FBXW7: variants seen among roughly 807,000 people sequenced by gnomAD.
FBXW7 encodes F-box and WD repeat domain containing 7, also known as F-box/WD repeat-containing protein 7.
Under a neutral mutation model 86.3 loss-of-function variants are expected in FBXW7, and 11 were observed. The observed-to-expected ratio is 0.13, with a 90% CI of 0.08 to 0.21. FBXW7 has a LOEUF of 0.21. Among genes scored for constraint, FBXW7 ranks in the 10% least tolerant of loss-of-function variants. The probability of loss-of-function intolerance (pLI) is 1.00; values close to 1 mark genes in which losing one functional copy is unlikely to be tolerated. For synonymous variants in FBXW7, 313 were observed against 297.9 expected (o/e 1.05, Z -0.52); for missense variants, 488 against 847.4 (o/e 0.58, Z 5.27).
rs2126877292 is a variant in FBXW7 at position 152,411,389 on chromosome 4, G to C, written c.415C>G (p.His139Asp). 6.2e-7 allele frequency: 1 copy of C among 1,613,638 alleles called. No individual in the cohort carries two copies. The highest frequency in any genetic ancestry group is 8.5e-7 in the Non-Finnish European group (1 of 1,179,848). ...DDSSREDEHT[H>D]TNSVTNSSSI... ...CTGGAGTTCGTGACACTGTTAGTAT[G>C]TGTATGTTCATCTTCTCTGCTACTA... The change falls in exon 4 of 14, where the codon CAT becomes GAT. Residue 139 changes from histidine (H) to aspartate (D), a missense_variant. Physicochemically the swap from His to Asp is moderately conservative, Grantham distance 81 (BLOSUM62 -1). Around this residue, in one of 4 missense-constraint regions of FBXW7, gnomAD observed 230 missense variants for 240.0 expected, o/e 0.96. Transcript: ENST00000281708.
intron 7 of FBXW7, among the ~76,000 whole-genome samples, chr4:152,334,596 G>GT (rs1729886476): frequency 6.6e-6 from 1 of 152,198 alleles, no homozygotes; most frequent in African/African-American, 2.4e-5. Flanking sequence ...AATAGTCAAT[G>GT]TATCTTAAAG....
At chr4:152,463,695 A>T (rs1033421109) in intron 2 of FBXW7, among the ~76,000 whole-genome samples, 1 of 152,226 alleles carries the variant, frequency 6.6e-6, no homozygotes, top group Non-Finnish European at 1.5e-5. Flanking sequence ...GGTGCTAAGG[A>T]CCTGGCGACT....
intron 4 of FBXW7, among the ~76,000 whole-genome samples, chr4:152,356,354 A>G (rs1732384257): frequency 6.6e-6 from 1 of 152,242 alleles, no homozygotes; most frequent in African/African-American, 2.4e-5. Flanking sequence ...AGTACTAAAA[A>G]GTTTAACTCA....
At chr4:152,515,499 T>C (rs914414138) in intron 2 of FBXW7, among the ~76,000 whole-genome samples, 3 of 152,204 alleles carry the variant, frequency 2.0e-5, no homozygotes, top group African/African-American at 4.8e-5. Context: ...AGTCACAACA[T>C]AGCTGTCATT....
intron 2 of FBXW7, among the ~76,000 whole-genome samples, chr4:152,527,467 TA>T (rs1031695199): frequency 6.6e-6 from 1 of 152,162 alleles, no homozygotes; most frequent in African/African-American, 2.4e-5. Flanking sequence ...AAAAGGCTGT[TA>T]AAAAATACAC....
At chr4:152,432,282 G>A (rs914651232) in intron 2 of FBXW7, among the ~76,000 whole-genome samples, 3 of 152,112 alleles carry the variant, frequency 2.0e-5, no homozygotes, top group African/African-American at 7.2e-5. Flanking sequence ...TCTAACGTGA[G>A]CATACCTGAT....
At chr4:152,330,573 A>G (rs1024599448) in intron 9 of FBXW7, among the ~76,000 whole-genome samples, 159 bp downstream of exon 9, 1 of 152,008 alleles carries the variant, frequency 6.6e-6, no homozygotes, top group Non-Finnish European at 1.5e-5. Context: ...AATTAGCAAT[A>G]AAAGAATATT....
At chr4:152,527,147 T>C (rs1208783888) in intron 2 of FBXW7, among the ~76,000 whole-genome samples, 1 of 152,198 alleles carries the variant, frequency 6.6e-6, no homozygotes, top group African/African-American at 2.4e-5. Flanking sequence ...ACAACCACCA[T>C]GTAAAGGACA....
chr4:152,345,915 A>C (rs1471736140), intron 6 of FBXW7, among the ~76,000 whole-genome samples: 1 of 152,190 alleles, frequency 6.6e-6, no homozygotes, highest in African/African-American at 2.4e-5. Context: ...CATTGATTAA[A>C]TACCTAACCA....
chr4:152,466,737 T>G (rs1579281634), intron 2 of FBXW7, among the ~76,000 whole-genome samples: 1 of 151,956 alleles, frequency 6.6e-6, no homozygotes, highest in Non-Finnish European at 1.5e-5. Flanking sequence ...GGTCAGGAGA[T>G]CGAGACCATC....
intron 4 of FBXW7, among the ~76,000 whole-genome samples, chr4:152,370,940 C>T (rs1456231511): frequency 1.3e-5 from 2 of 151,028 alleles, no homozygotes; most frequent in Non-Finnish European, 3.0e-5. Context: ...AAGATATTGA[C>T]TTAAAAAAAC....
rs574329542 is a variant in FBXW7, at chr4:152,513,617, T to C, written c.-120+21324A>G. ...AGAGGAAATTCAATAAAGTTTACCATTGGTTATCTCTGGACTGAGGAAGTG... is the reference window on the plus strand; with the variant it reads ...AGAGGAAATTCAATAAAGTTTACCACTGGTTATCTCTGGACTGAGGAAGTG... On this transcript the variant is annotated intron_variant, in intron 2 of 13. Transcript: ENST00000281708. Among the ~76,000 whole-genome samples, 8 of 152,382 alleles carry C rather than the reference T, an allele frequency of 5.2e-5. No individual in the cohort carries two copies. In the East Asian group the frequency reaches 1.3e-3, roughly 26 times the overall value.
chr4:152,421,381 A>G (rs1322715398), intron 2 of FBXW7, among the ~76,000 whole-genome samples: 1 of 152,150 alleles, frequency 6.6e-6, no homozygotes, highest in African/African-American at 2.4e-5. Flanking sequence ...TGTGTTCACC[A>G]GAGTAGCACT....
chr4:152,330,773 T>C lies in FBXW7; in HGVS notation c.1081A>G (p.Ile361Val). 1 of 1,612,658 alleles carries C rather than the reference T, an allele frequency of 6.2e-7. No homozygotes were observed. The highest frequency in any genetic ancestry group is 8.5e-7 in the Non-Finnish European group (1 of 1,178,936). The change falls in exon 9 of 14, where the codon ATT (isoleucine) becomes GTT (valine). Residue 361 changes from isoleucine (I) to valine (V), a missense_variant. This residue lies in a region of FBXW7 where 57 missense variants were observed against 62.8 expected (regional missense o/e 0.91). Transcript: ENST00000281708. Reference sequence around the variant, plus strand: ...TCTCCTCGCCTCCAGTTAGTATCAATTCTGTGCTGTCTGATGTATGCACTT... The same window carrying C: ...TCTCCTCGCCTCCAGTTAGTATCAACTCTGTGCTGTCTGATGTATGCACTT... ...WKSAYIRQHR[I>V]DTNWRRGELK...
intron 4 of FBXW7, among the ~76,000 whole-genome samples, chr4:152,390,379 T>C (rs76174159): frequency 0.016 from 2,446 of 152,198 alleles, 76 homozygotes; most frequent in African/African-American, 0.056. Flanking sequence ...ACATAACCTG[T>C]CTCATGATTA....
intron 4 of FBXW7, among the ~76,000 whole-genome samples, chr4:152,405,721 A>G (rs1447686649): frequency 1.3e-5 from 2 of 152,224 alleles, no homozygotes; most frequent in African/African-American, 4.8e-5. Flanking sequence ...CTGGCGGGTA[A>G]GAAAAAGAGA....
intron 2 of FBXW7, among the ~76,000 whole-genome samples, chr4:152,510,660 C>T (rs1203887987): frequency 6.6e-6 from 1 of 151,924 alleles, no homozygotes; most frequent in African/African-American, 2.4e-5. Context: ...GAGATTAATC[C>T]AAGGTGATGT....
At position 152,479,062 on chromosome 4, in the gene FBXW7, T is replaced by C. The variant is rs1039666306; in HGVS notation, c.-120+55879A>G. Among the ~76,000 whole-genome samples the C allele has an allele frequency of 1.2e-3, 178 of 152,272 alleles. 1 individual carries two copies. The highest frequency in any genetic ancestry group is 4.4e-4 in the Non-Finnish European group (30 of 67,982). On this transcript the variant is annotated intron_variant, in intron 2 of 13. Transcript: ENST00000281708. Reference sequence around the variant, plus strand: ...AAACGATAAACAAGGATGTAGTAGATGTGATTACACAGCTATGAAATAAAG... The same window carrying C: ...AAACGATAAACAAGGATGTAGTAGACGTGATTACACAGCTATGAAATAAAG...
At chr4:152,530,619 G>C (rs1749946980) in intron 2 of FBXW7, 1 of 152,210 alleles carries the variant, frequency 6.6e-6, no homozygotes, top group Non-Finnish European at 1.5e-5. Context: ...GTACAGTAGA[G>C]TATGTGCTTT....
Sources: gnomAD v4.1 joint callset for allele counts (sites outside exome capture counted in the v4.1 genomes callset) on GRCh38, gnomAD v4.1.1 for gene constraint, gnomAD v4.1.1 regional missense constraint, MANE v1.5 for transcripts, NCBI Gene and HGNC (gene_info 2026-07-23, HGNC 2026-07-21) for gene names.